Variants in SIL1 observed in about 807,000 individuals in gnomAD.
SIL1 encodes the protein SIL1 nucleotide exchange factor, also known as nucleotide exchange factor SIL1.
SIL1 carries 40 observed loss-of-function variants against 49.1 expected under a neutral mutation model. The ratio of observed to expected loss-of-function variants is 0.81; its 90% CI spans 0.63 to 1.06. The LOEUF is 1.06. Among genes scored for constraint, SIL1 ranks in the 50% least tolerant of loss-of-function variants. The pLI, the probability that SIL1 is intolerant of heterozygous loss-of-function variation, is 0.00. For missense variants in SIL1, 500 were observed against 572.6 expected, an observed-to-expected ratio of 0.87 and a Z score of 1.29; for synonymous variants, 253 against 250.8, an observed-to-expected ratio of 1.01 and a Z score of -0.08.
intron 1 of SIL1, among the ~76,000 whole-genome samples, chr5:139,155,841 C>CTTT (rs34978590): frequency 6.7e-6 from 1 of 148,604 alleles, no homozygotes; most frequent in African/African-American, 2.5e-5. Context: ...CAAATAAACT[C>CTTT]TTTTTTTTTT....
At chr5:139,181,493 G>T (rs1751982513) in intron 1 of SIL1, among the ~76,000 whole-genome samples, 1 of 152,180 alleles carries the variant, frequency 6.6e-6, no homozygotes, top group Non-Finnish European at 1.5e-5. Context: ...CACAAGAGAA[G>T]AAGCACAGGA....
chr5:139,020,712 C>G (rs962532361), intron 7 of SIL1, among the ~76,000 whole-genome samples: 1 of 152,198 alleles, frequency 6.6e-6, no homozygotes, highest in African/African-American at 2.4e-5. Context: ...CAATTTCCAA[C>G]CTAGAGAGGG....
chr5:139,060,781 G>T (rs144654158), intron 3 of SIL1, among the ~76,000 whole-genome samples: 101 of 152,256 alleles, frequency 6.6e-4, no homozygotes, highest in African/African-American at 2.0e-3. Context: ...ATTTCTAGGG[G>T]CCAGGAAAGA....
intron 7 of SIL1, among the ~76,000 whole-genome samples, chr5:138,952,984 G>T (rs1165544645): frequency 6.6e-6 from 1 of 152,248 alleles, no homozygotes; most frequent in Non-Finnish European, 1.5e-5. Flanking sequence ...CAGCCCACAT[G>T]TGAGGCCCCA....
At chr5:138,954,183 T>C (rs761278287) in intron 7 of SIL1, among the ~76,000 whole-genome samples, 1 of 151,910 alleles carries the variant, frequency 6.6e-6, no homozygotes, top group Non-Finnish European at 1.5e-5. Context: ...CCATTTAGAG[T>C]AGGAGAGAAG....
At chr5:139,042,468 G>C in intron 5 of SIL1, 152 bp downstream of exon 5, 1 of 755,346 alleles carries the variant, frequency 1.3e-6, no homozygotes, top group Non-Finnish European at 2.3e-6. Flanking sequence ...GTCTAAAAGG[G>C]TTTCTTATTT....
chr5:139,164,427 G>C (rs1252915535), intron 1 of SIL1, among the ~76,000 whole-genome samples: 1 of 152,082 alleles, frequency 6.6e-6, no homozygotes, highest in African/African-American at 2.4e-5. Flanking sequence ...ACAGATTGAG[G>C]CCTGACTCCA....
intron 1 of SIL1, among the ~76,000 whole-genome samples, chr5:139,160,892 C>T (rs1327478474): frequency 6.6e-6 from 1 of 152,034 alleles, no homozygotes; most frequent in African/African-American, 2.4e-5. Flanking sequence ...TAAGTTTAAA[C>T]ATAAAGACTA....
At chr5:139,168,375 C>G (rs1483397575) in intron 1 of SIL1, among the ~76,000 whole-genome samples, 1 of 152,218 alleles carries the variant, frequency 6.6e-6, no homozygotes, top group African/African-American at 2.4e-5. Flanking sequence ...AGCAGAGTAG[C>G]AGCTACGTTT....
chr5:139,141,220 C>T (rs1186421624), intron 1 of SIL1, among the ~76,000 whole-genome samples: 1 of 152,170 alleles, frequency 6.6e-6, no homozygotes, highest in East Asian at 1.9e-4. Flanking sequence ...TTGCCCAGCA[C>T]TTTTCCTGGC....
intron 7 of SIL1, among the ~76,000 whole-genome samples, chr5:138,967,413 C>T (rs936894566): frequency 6.6e-6 from 1 of 152,194 alleles, no homozygotes; most frequent in Non-Finnish European, 1.5e-5. Flanking sequence ...CAGATAACAA[C>T]CTGGGCCTCT....
At chr5:139,112,851 C>T (rs7737554) in intron 3 of SIL1, among the ~76,000 whole-genome samples, 69,062 of 151,962 alleles carry the variant, frequency 0.45, 16,150 homozygotes, top group African/African-American at 0.54. Flanking sequence ...TTTTGTGGAA[C>T]AGAAAAGGGG....
At chr5:138,955,377 G>A (rs1039555999) in intron 7 of SIL1, among the ~76,000 whole-genome samples, 3 of 152,230 alleles carry the variant, frequency 2.0e-5, no homozygotes, top group Non-Finnish European at 4.4e-5. Flanking sequence ...GCAGAGGGAC[G>A]ACAGCAGCTG....
intron 4 of SIL1, among the ~76,000 whole-genome samples, chr5:139,048,237 A>G (rs1205681415): frequency 6.6e-6 from 1 of 151,828 alleles, no homozygotes; most frequent in Non-Finnish European, 1.5e-5. Flanking sequence ...TGCAGCCTCA[A>G]CCTCCCCAGG....
intron 7 of SIL1, among the ~76,000 whole-genome samples, chr5:138,969,256 G>C (rs1249476515): frequency 6.6e-6 from 1 of 152,156 alleles, no homozygotes; most frequent in Non-Finnish European, 1.5e-5. Context: ...CTCAATCTTA[G>C]GATTAGGCAC....
At chr5:139,112,612 C>A (rs986787062) in intron 3 of SIL1, among the ~76,000 whole-genome samples, 4 of 151,196 alleles carry the variant, frequency 2.6e-5, no homozygotes, top group Non-Finnish European at 5.9e-5. Context: ...CGCCCGGCAG[C>A]CAACCCCTCC....
chr5:139,141,514 C>T (rs540135698), intron 1 of SIL1, among the ~76,000 whole-genome samples: 1 of 151,552 alleles, frequency 6.6e-6, no homozygotes, highest in Non-Finnish European at 1.5e-5. Context: ...TTTTCATTAG[C>T]AGGGCATGGT....
intron 1 of SIL1, among the ~76,000 whole-genome samples, chr5:139,194,870 A>G (rs1353706196): frequency 6.6e-6 from 1 of 152,150 alleles, no homozygotes; most frequent in African/African-American, 2.4e-5. Flanking sequence ...GTATGAATCC[A>G]CAAGTATGTG....
chr5:139,056,239 CG>C (rs1327842478), intron 3 of SIL1, among the ~76,000 whole-genome samples: 4 of 150,994 alleles, frequency 2.6e-5, no homozygotes, highest in African/African-American at 7.3e-5. Context: ...CGCCTCTTCC[CG>C]GCCGCCATCC....
Sources: gnomAD v4.1 joint callset for allele counts (sites outside exome capture counted in the v4.1 genomes callset) on GRCh38, gnomAD v4.1.1 for gene constraint, MANE v1.5 for transcripts, NCBI Gene and HGNC (gene_info 2026-07-23, HGNC 2026-07-21) for gene names.